The following DPT variants were observed in gnomAD, a reference collection of about 807,000 sequenced individuals.
The protein encoded by DPT is tyrosine-rich acidic matrix protein.
A neutral mutation model predicts 31.2 loss-of-function variants in DPT; 21 were observed. The observed-to-expected ratio is 0.67, with a 90% CI of 0.48 to 0.97. The LOEUF is 0.97. Among genes scored for constraint, DPT ranks in the 50% least tolerant of loss-of-function variants. DPT has a pLI of 0.00. For missense variants in DPT, 262 were observed against 258.8 expected, an observed-to-expected ratio of 1.01 and a Z score of -0.08; for synonymous variants, 91 against 86.9, an observed-to-expected ratio of 1.05 and a Z score of -0.26.
chr1:168,705,540 T>C (rs1035349500), intron 2 of DPT, among the ~76,000 whole-genome samples: 2 of 152,220 alleles, frequency 1.3e-5, no homozygotes, highest in African/African-American at 4.8e-5. Flanking sequence ...GAAGCCATAC[T>C]TCAGCTTTTT....
chr1:168,722,627 G>A (rs1226769212), intron 1 of DPT, among the ~76,000 whole-genome samples: 1 of 152,128 alleles, frequency 6.6e-6, no homozygotes, highest in Non-Finnish European at 1.5e-5. Flanking sequence ...TTTAGAGAAG[G>A]TAAGTAATTC....
intron 3 of DPT, among the ~76,000 whole-genome samples, chr1:168,698,102 A>ACAC (rs1463560428): frequency 2.6e-5 from 4 of 152,186 alleles, no homozygotes; most frequent in African/African-American, 9.7e-5. Context: ...ACTATGACTA[A>ACAC]CAAGGCCTCC....
At chr1:168,716,545 T>C (rs528418262) in intron 1 of DPT, among the ~76,000 whole-genome samples, 90 of 151,968 alleles carry the variant, frequency 5.9e-4, no homozygotes, top group Non-Finnish European at 9.7e-4. Context: ...TTTACAATTT[T>C]CTTTTATTTT....
At chr1:168,712,701 C>T (rs986232815) in intron 2 of DPT, among the ~76,000 whole-genome samples, 1 of 152,120 alleles carries the variant, frequency 6.6e-6, no homozygotes, top group Non-Finnish European at 1.5e-5. Flanking sequence ...TCATCTTTTC[C>T]AAAAGTGTCT....
intron 2 of DPT, among the ~76,000 whole-genome samples, chr1:168,713,272 T>G (rs1335755903): frequency 6.6e-6 from 1 of 152,220 alleles, no homozygotes; most frequent in Non-Finnish European, 1.5e-5. Context: ...CAGGTGACTT[T>G]GAGCTCTGAA....
chr1:168,728,714 C>T (rs139111019), intron 1 of DPT, among the ~76,000 whole-genome samples, 156 bp downstream of exon 1: 434 of 152,304 alleles, frequency 2.8e-3, no homozygotes, highest in African/African-American at 0.01. Context: ...CGCTCAGCAG[C>T]AGCCCTGCTC....
chr1:168,724,363 C>T (rs1650189762), intron 1 of DPT, among the ~76,000 whole-genome samples: 1 of 152,228 alleles, frequency 6.6e-6, no homozygotes, highest in Non-Finnish European at 1.5e-5. Flanking sequence ...AACCTGCAGG[C>T]CTCCTTGCGG....
At position 168,695,937 on chromosome 1, in the gene DPT, C is replaced by T. The variant is rs1363975648; in HGVS notation, c.*612G>A. 5.4e-6 allele frequency: 2 copies of T among 372,960 alleles called. No homozygotes were observed. Among genetic ancestry groups the T allele is most frequent in the Non-Finnish European group, 9.5e-6 (2 of 210,034 alleles). 23.1% of individuals were successfully genotyped at this position (372,960 alleles called of 1,614,324 possible). A position where few individuals can be genotyped will look rare whatever the true frequency, so the allele number is the denominator to read the frequency against. ...CTTCTAATTCAGGAAATCCTTCCAA[C>T]CCTGTTTTCAGCTCTGCCTCCAAAC... On this transcript the variant is annotated 3_prime_UTR_variant, in exon 4 of 4. Transcript: ENST00000367817.
At chr1:168,710,779 A>G (rs1048006116) in intron 2 of DPT, among the ~76,000 whole-genome samples, 2 of 152,228 alleles carry the variant, frequency 1.3e-5, no homozygotes, top group Admixed American at 1.3e-4. Context: ...CTGGGGCATC[A>G]TTAAAACAAC....
At chr1:168,727,993 T>G (rs1307668595) in intron 1 of DPT, among the ~76,000 whole-genome samples, 1 of 152,070 alleles carries the variant, frequency 6.6e-6, no homozygotes, top group African/African-American at 2.4e-5. Flanking sequence ...CCTCCTAGAG[T>G]GCTGGCTCCA....
chr1:168,697,945 C>T (rs1238225470), intron 3 of DPT, among the ~76,000 whole-genome samples: 5 of 152,186 alleles, frequency 3.3e-5, no homozygotes, highest in Non-Finnish European at 5.9e-5. Flanking sequence ...GCCCTTTGCA[C>T]AGTCCTGATA....
chr1:168,718,221 G>T (rs892542632), intron 1 of DPT, among the ~76,000 whole-genome samples: 1 of 152,220 alleles, frequency 6.6e-6, no homozygotes, highest in Non-Finnish European at 1.5e-5. Context: ...ATGGGGGTAA[G>T]TTCCCCTAAG....
intron 1 of DPT, among the ~76,000 whole-genome samples, chr1:168,717,810 G>C (rs74499776): frequency 6.6e-6 from 1 of 152,036 alleles, no homozygotes; most frequent in African/African-American, 2.4e-5. Flanking sequence ...ACCATTGCTC[G>C]CATCTCATCA....
At chr1:168,728,099 AC>A (rs1650290158) in intron 1 of DPT, among the ~76,000 whole-genome samples, 1 of 152,052 alleles carries the variant, frequency 6.6e-6, no homozygotes, top group South Asian at 2.1e-4. Context: ...AGACAATCAC[AC>A]CCCACAAAAA....
chr1:168,706,107 A>T (rs1396747319), intron 2 of DPT, among the ~76,000 whole-genome samples: 2 of 152,244 alleles, frequency 1.3e-5, no homozygotes, highest in African/African-American at 4.8e-5. Flanking sequence ...CTATATATTT[A>T]GCAAGATAAT....
At chr1:168,725,351 TTC>T (rs1650219333) in intron 1 of DPT, among the ~76,000 whole-genome samples, 1 of 151,646 alleles carries the variant, frequency 6.6e-6, no homozygotes, top group Non-Finnish European at 1.5e-5. Flanking sequence ...TCTTTCTTTC[TTC>T]TCTTTCTTTT....
intron 1 of DPT, among the ~76,000 whole-genome samples, chr1:168,719,953 T>G (rs1650064961): frequency 6.6e-6 from 1 of 152,112 alleles, no homozygotes; most frequent in Admixed American, 6.5e-5. Flanking sequence ...GTGAACCTAT[T>G]CTGAGAAAGT....
intron 1 of DPT, among the ~76,000 whole-genome samples, chr1:168,719,382 A>G (rs1650049924): frequency 6.6e-6 from 1 of 152,194 alleles, no homozygotes; most frequent in Non-Finnish European, 1.5e-5. Flanking sequence ...CAGGATTACA[A>G]ACACAGAGCT....
intron 2 of DPT, among the ~76,000 whole-genome samples, chr1:168,708,827 A>G (rs777008741): frequency 6.6e-6 from 1 of 152,216 alleles, no homozygotes; most frequent in Non-Finnish European, 1.5e-5. Context: ...GCATTACAGG[A>G]GTGAACATGC....
Sources: gnomAD v4.1 joint callset for allele counts (sites outside exome capture counted in the v4.1 genomes callset) on GRCh38, gnomAD v4.1.1 for gene constraint, MANE v1.5 for transcripts, NCBI Gene and HGNC (gene_info 2026-07-23, HGNC 2026-07-21) for gene names.